LCLAT1: variants seen among roughly 807,000 people sequenced by gnomAD.
The protein encoded by LCLAT1 is lysocardiolipin acyltransferase 1, also known as 1-AGP acyltransferase 8.
In LCLAT1, 11 loss-of-function variants were observed where a neutral mutation model predicts 30.7. The observed-to-expected ratio is 0.36, with a 90% CI of 0.23 to 0.59. LCLAT1 has a LOEUF of 0.59. Ranked by LOEUF, LCLAT1 falls within the 20% of genes least tolerant of loss-of-function variation. The pLI, the probability that LCLAT1 is intolerant of heterozygous loss-of-function variation, is 0.77. For synonymous variants in LCLAT1, 155 were observed against 151.3 expected, an observed-to-expected ratio of 1.02 and a Z score of -0.18; for missense variants, 402 against 458.6, an observed-to-expected ratio of 0.88 and a Z score of 1.13.
chr2:30,612,928 T>C (rs1384692805), intron 5 of LCLAT1, among the ~76,000 whole-genome samples: 2 of 151,918 alleles, frequency 1.3e-5, no homozygotes, highest in Non-Finnish European at 2.9e-5. Context: ...ATTTAGACAA[T>C]AAGTACGTAA....
At chr2:30,511,375 G>T (rs558859051) in intron 1 of LCLAT1, among the ~76,000 whole-genome samples, 32 of 152,282 alleles carry the variant, frequency 2.1e-4, no homozygotes, top group Non-Finnish European at 4.3e-4. Flanking sequence ...GTACACTCCT[G>T]TCTTCTGCCT....
At chr2:30,535,295 C>T (rs1346893912) in intron 3 of LCLAT1, among the ~76,000 whole-genome samples, 1 of 152,146 alleles carries the variant, frequency 6.6e-6, no homozygotes, top group Admixed American at 6.5e-5. Context: ...CCAAAACATT[C>T]CCTTCTGCCC....
intron 1 of LCLAT1, among the ~76,000 whole-genome samples, chr2:30,508,840 C>A (rs185124197): frequency 6.6e-6 from 1 of 152,234 alleles, no homozygotes; most frequent in Non-Finnish European, 1.5e-5. Flanking sequence ...AGCATTGAAT[C>A]TATAAATTAC....
intron 5 of LCLAT1, among the ~76,000 whole-genome samples, chr2:30,595,777 CTGA>C (rs1250693352): frequency 3.3e-5 from 5 of 152,118 alleles, no homozygotes; most frequent in African/African-American, 1.2e-4. Context: ...GCTGTATTTC[CTGA>C]TGCTTTCCCC....
chr2:30,524,976 T>A (rs1210183048), intron 1 of LCLAT1, among the ~76,000 whole-genome samples: 1 of 151,962 alleles, frequency 6.6e-6, no homozygotes, highest in South Asian at 2.1e-4. Context: ...AGGAAAAAAC[T>A]CTGGAATATT....
intron 5 of LCLAT1, among the ~76,000 whole-genome samples, chr2:30,615,743 CA>C (rs1173123211): frequency 6.6e-6 from 1 of 152,102 alleles, no homozygotes; most frequent in Non-Finnish European, 1.5e-5. Context: ...ACTGGGCATT[CA>C]AATCTAGTTT....
chr2:30,529,108 C>T (rs1406120469), intron 2 of LCLAT1, among the ~76,000 whole-genome samples: 1 of 152,062 alleles, frequency 6.6e-6, no homozygotes, highest in Non-Finnish European at 1.5e-5. Flanking sequence ...TTATTTTAAG[C>T]AATCCCAAAC....
intron 5 of LCLAT1, among the ~76,000 whole-genome samples, chr2:30,639,038 G>A (rs946931512): frequency 2.0e-5 from 3 of 152,108 alleles, no homozygotes; most frequent in Admixed American, 6.5e-5. Flanking sequence ...AAACATATGG[G>A]TTCCTTCTGT....
intron 1 of LCLAT1, among the ~76,000 whole-genome samples, chr2:30,520,397 AG>A (rs1490438964): frequency 2.6e-5 from 4 of 152,370 alleles, no homozygotes; most frequent in African/African-American, 4.8e-5. Context: ...ATTTAAAAAT[AG>A]GTGTATATTT....
chr2:30,508,455 G>A (rs1478200847), intron 1 of LCLAT1, among the ~76,000 whole-genome samples: 3 of 152,062 alleles, frequency 2.0e-5, no homozygotes, highest in Non-Finnish European at 4.4e-5. Flanking sequence ...TGTATATCGT[G>A]TAAGGAAGGG....
chr2:30,540,457 G>GT (rs1491161911), intron 3 of LCLAT1, among the ~76,000 whole-genome samples: 7 of 152,082 alleles, frequency 4.6e-5, no homozygotes, highest in African/African-American at 1.7e-4. Flanking sequence ...GAATTTATCA[G>GT]TAAGAGTTGA....
At chr2:30,618,730 G>A (rs888148628) in intron 5 of LCLAT1, among the ~76,000 whole-genome samples, 1 of 152,104 alleles carries the variant, frequency 6.6e-6, no homozygotes, top group Non-Finnish European at 1.5e-5. Context: ...TAAAATTTCA[G>A]TGTTCAGTTA....
intron 1 of LCLAT1, among the ~76,000 whole-genome samples, chr2:30,514,394 G>A (rs372926447): frequency 6.6e-6 from 1 of 152,210 alleles, no homozygotes; most frequent in Non-Finnish European, 1.5e-5. Flanking sequence ...GTTGGCCAGA[G>A]TCATTAATTA....
rs187364703 is a variant in LCLAT1, at chr2:30,504,368, C to T, written c.-4-21219C>T. ...CATGAAGGGAAAAACAAAACATGAG[C>T]TTAAACTTCAAATGGGAAGAGATAA... On this transcript the variant is annotated intron_variant, in intron 1 of 5. Coordinates refer to ENST00000379509, the MANE Select transcript of LCLAT1 (RefSeq NM_001002257.3). Among the ~76,000 whole-genome samples the T allele has an allele frequency of 2.6e-5, 4 of 152,110 alleles. No individual in the cohort carries two copies. The East Asian group carries it at 7.7e-4, about 29-fold the overall frequency.
intron 1 of LCLAT1, among the ~76,000 whole-genome samples, chr2:30,459,356 TCA>T (rs1681988374): frequency 6.6e-6 from 1 of 152,174 alleles, no homozygotes; most frequent in African/African-American, 2.4e-5. Context: ...GGCTCTCACC[TCA>T]GTCTTTTGGC....
intron 5 of LCLAT1, among the ~76,000 whole-genome samples, chr2:30,586,343 A>C (rs1043623992): frequency 2.0e-5 from 3 of 151,822 alleles, no homozygotes; most frequent in Non-Finnish European, 4.4e-5. Context: ...CTCCCTCTGA[A>C]GGCTTTGGGG....
At chr2:30,561,784 A>G (rs1345758180) in intron 3 of LCLAT1, among the ~76,000 whole-genome samples, 1 of 152,174 alleles carries the variant, frequency 6.6e-6, no homozygotes, top group Non-Finnish European at 1.5e-5. Context: ...ACATTCTTTT[A>G]TCTCCTGTAG....
intron 5 of LCLAT1, among the ~76,000 whole-genome samples, chr2:30,612,994 G>T (rs970397972): frequency 1.3e-5 from 2 of 152,158 alleles, no homozygotes; most frequent in African/African-American, 2.4e-5. Context: ...AAGGAAGAGG[G>T]AAGACTGAAG....
chr2:30,582,530 T>C (rs1187526250), intron 5 of LCLAT1, among the ~76,000 whole-genome samples: 8 of 152,236 alleles, frequency 5.3e-5, no homozygotes, highest in Admixed American at 3.9e-4. Flanking sequence ...CCAAGCACAA[T>C]CTCTGTTGTC....
Sources: gnomAD v4.1 joint callset for allele counts (sites outside exome capture counted in the v4.1 genomes callset) on GRCh38, gnomAD v4.1.1 for gene constraint, MANE v1.5 for transcripts, NCBI Gene and HGNC (gene_info 2026-07-23, HGNC 2026-07-21) for gene names.